The following ZNF729 variants were observed in gnomAD, a reference collection of about 807,000 sequenced individuals.
The protein encoded by ZNF729 is zinc finger protein 729.
A neutral mutation model predicts 12.2 loss-of-function variants in ZNF729; 15 were observed. The ratio of observed to expected loss-of-function variants is 1.23; its 90% confidence interval spans 0.82 to 1.89. The LOEUF is 1.89. ZNF729 is among the 40% of genes most tolerant of loss of function. The probability of loss-of-function intolerance (pLI) is 0.00; values close to 1 mark genes in which losing one functional copy is unlikely to be tolerated. For synonymous variants in ZNF729, 492 were observed against 476.3 expected (o/e 1.03, Z -0.43); for missense variants, 1,540 against 1,456.7 (o/e 1.06, Z -0.93).
rs183037169 is a variant in ZNF729 at position 22,312,748 on chromosome 19, T to A, written c.254-923T>A. Among the ~76,000 whole-genome samples, 12 of 152,250 alleles carry A rather than the reference T, an allele frequency of 7.9e-5. No individual in the cohort carries two copies. In the East Asian group the frequency reaches 2.3e-3, roughly 29 times the overall value. On this transcript the variant is annotated intron_variant, in intron 3 of 3. Transcript: ENST00000601693. ...GTTTTTTTGAGACAGAGTTTCACTCTTTTTGCCCAGGCTGGAGTGCGATGG... is the reference window on the plus strand; with the variant it reads ...GTTTTTTTGAGACAGAGTTTCACTCATTTTGCCCAGGCTGGAGTGCGATGG...
chr19:22,312,524 G>C (rs1968464230), intron 3 of ZNF729, among the ~76,000 whole-genome samples: 2 of 150,252 alleles, frequency 1.3e-5, no homozygotes, highest in Admixed American at 1.3e-4. Context: ...GTAATCACTT[G>C]CTACATCTAT....
chr19:22,293,188 CT>C (rs200972557), intron 1 of ZNF729, among the ~76,000 whole-genome samples: 1 of 151,344 alleles, frequency 6.6e-6, no homozygotes, highest in Non-Finnish European at 1.5e-5. Flanking sequence ...TTTTGTCTAC[CT>C]TTTTTTTTAT....
At chr19:22,287,616 C>T (rs111353460) in intron 1 of ZNF729, among the ~76,000 whole-genome samples, 1 of 151,572 alleles carries the variant, frequency 6.6e-6, no homozygotes, top group African/African-American at 2.4e-5. Flanking sequence ...CCACCTCAGT[C>T]TAATTGCCTG....
Position 22,315,717 on chromosome 19 carries a change from T to C in ZNF729, c.2300T>C (p.Leu767Ser), listed in dbSNP as rs1259232832. ...AAGGTAATTCATACTAGGGAGAAAT[T>C]GTACAAATGTGAAGAATGTGTCAAA... Reference protein sequence around the residue: ...KHKVIHTREKLYKCEECVKAF... With the variant: ...KHKVIHTREKSYKCEECVKAF... Residue 767 changes from leucine to serine, a missense_variant, in exon 4 of 4, where the codon TTG becomes TCG. Leu to Ser is a moderately radical substitution (Grantham distance 145, BLOSUM62 -2). Coordinates refer to ENST00000601693, the MANE Select transcript of ZNF729 (RefSeq NM_001242680.2). 3.2e-5 allele frequency: 51 copies of C among 1,595,054 alleles called. No individual in the cohort carries two copies. Among genetic ancestry groups the C allele is most frequent in the Middle Eastern group, 1.7e-4 (1 of 5,996 alleles).
chr19:22,309,973 C>T (rs543479465), intron 3 of ZNF729, among the ~76,000 whole-genome samples: 1 of 150,642 alleles, frequency 6.6e-6, no homozygotes, highest in South Asian at 2.1e-4. Context: ...TTTTTCACGG[C>T]TATTGTAAAA....
At chr19:22,300,313 A>G (rs1393234939) in intron 1 of ZNF729, among the ~76,000 whole-genome samples, 6 of 152,192 alleles carry the variant, frequency 3.9e-5, no homozygotes, top group African/African-American at 7.2e-5. Flanking sequence ...CTGTCTTTCT[A>G]TCTTTTCAGT....
At position 22,314,142 on chromosome 19, in the gene ZNF729, G is replaced by A; in HGVS notation, c.725G>A (p.Gly242Asp). ...AAACCTTACAAATATAAGAAATGTG[G>A]CAATGCCTTTAAATTTTCTTCAACG... ...EDKPYKYKKC[G>D]NAFKFSSTFT... is the part of the protein sequence containing the mutation. The change falls in exon 4 of 4, where the codon GGC becomes GAC. Residue 242 changes from glycine (G) to aspartate (D), a missense_variant. Physicochemically the swap from Gly to Asp is moderately conservative, Grantham distance 94. Transcript: ENST00000601693. 7 of 1,557,454 alleles carry A rather than the reference G, an allele frequency of 4.5e-6. No individual in the cohort carries two copies. The African/African-American group carries it at 5.5e-5, about 12-fold the overall frequency.
At chr19:22,299,092 A>AAT in intron 1 of ZNF729, 1 of 152,332 alleles carries the variant, frequency 6.6e-6, no homozygotes, top group African/African-American at 2.4e-5. Context: ...TTCTGCTGAG[A>AAT]ATATATCCCT....
At chr19:22,300,479 A>T (rs949425580) in intron 1 of ZNF729, among the ~76,000 whole-genome samples, 3 of 152,232 alleles carry the variant, frequency 2.0e-5, no homozygotes, top group African/African-American at 7.2e-5. Context: ...ATCAGACATG[A>T]TATATAAATA....
At position 22,316,796 on chromosome 19, in the gene ZNF729, A is replaced by C. The variant is rs754405100; in HGVS notation, c.3379A>C (p.Thr1127Pro). Residue 1127 changes from threonine (T) to proline (P), a missense_variant, in exon 4 of 4, where the codon ACT becomes CCT. Thr to Pro is a conservative substitution (Grantham distance 38). Transcript: ENST00000601693. Reference protein sequence around the residue: ...STLTKHKIIHTGEKPYKCEEC... With the variant: ...STLTKHKIIHPGEKPYKCEEC... ...CCTTACGAAACATAAGATAATTCAT[A>C]CTGGGGAGAAACCCTACAAATGTGA... is the stretch of plus-strand genomic sequence containing the variant. 78 of 1,613,212 alleles carry C rather than the reference A, an allele frequency of 4.8e-5. No individual in the cohort carries two copies. Among genetic ancestry groups the C allele is most frequent in the Non-Finnish European group, 5.7e-5 (67 of 1,179,958 alleles).
intron 1 of ZNF729, among the ~76,000 whole-genome samples, chr19:22,289,470 C>G (rs952689108): frequency 5.3e-5 from 8 of 152,030 alleles, no homozygotes; most frequent in Admixed American, 5.2e-4. Context: ...TATGATCCAC[C>G]CGCCTCAGCC....
chr19:22,315,194 A>G lies in ZNF729; in HGVS notation c.1777A>G (p.Ile593Val), dbSNP rs776520460. ...CTCAGCCCTCAGAAAACATAAGGTA[A>G]TTCATACTAGGGAGAAATTGTACAA... is the stretch of plus-strand genomic sequence containing the variant. ...HFSALRKHKV[I>V]HTREKLYKCE... The change falls in exon 4 of 4, where the codon ATT becomes GTT. Residue 593 changes from isoleucine to valine, a missense_variant. Transcript: ENST00000601693. 2 of 1,611,948 alleles carry G rather than the reference A, an allele frequency of 1.2e-6. No homozygotes were observed. Among genetic ancestry groups the G allele is most frequent in the African/African-American group, 2.7e-5 (2 of 74,990 alleles).
At chr19:22,303,982 T>G in intron 2 of ZNF729, 98 bp downstream of exon 2, 1 of 1,265,834 alleles carries the variant, frequency 7.9e-7, no homozygotes, top group African/African-American at 1.6e-5. Context: ...TTACTATAAA[T>G]GAGTTTCACA....
At chr19:22,303,280 A>G (rs1968336890) in intron 1 of ZNF729, among the ~76,000 whole-genome samples, 1 of 151,222 alleles carries the variant, frequency 6.6e-6, no homozygotes, top group East Asian at 1.9e-4. Flanking sequence ...GGCCAAAAAC[A>G]GGCATCACTG....
chr19:22,310,412 G>A (rs191599656), intron 3 of ZNF729, among the ~76,000 whole-genome samples: 1 of 152,118 alleles, frequency 6.6e-6, no homozygotes, highest in South Asian at 2.1e-4. Context: ...AATCATAAAG[G>A]GATGTTGGAT....
At chr19:22,286,698 C>T in intron 1 of ZNF729, 143 bp downstream of exon 1, 1 of 1,102,972 alleles carries the variant, frequency 9.1e-7, no homozygotes, top group Non-Finnish European at 1.4e-6. Context: ...GCCTCAGTCT[C>T]CTTCAGCCAT....
At chr19:22,295,698 T>C (rs1968222649) in intron 1 of ZNF729, among the ~76,000 whole-genome samples, 1 of 152,128 alleles carries the variant, frequency 6.6e-6, no homozygotes, top group South Asian at 2.1e-4. Flanking sequence ...CCGCGCCCAG[T>C]CGATATGCCA....
intron 1 of ZNF729, among the ~76,000 whole-genome samples, chr19:22,286,797 G>A (rs886302475): frequency 2.0e-5 from 3 of 152,178 alleles, no homozygotes; most frequent in African/African-American, 7.2e-5. Context: ...CCCTCTCTGG[G>A]CCGCTCTGCA....
chr19:22,305,976 T>G (rs1356391582), intron 3 of ZNF729, among the ~76,000 whole-genome samples: 2 of 152,184 alleles, frequency 1.3e-5, no homozygotes, highest in Admixed American at 6.5e-5. Flanking sequence ...CTAGTTTTTT[T>G]GTTTTGTTTT....
Sources: allele counts gnomAD v4.1 joint callset (sites outside exome capture counted in the v4.1 genomes callset), GRCh38; gene constraint gnomAD v4.1.1; transcripts MANE v1.5; gene names NCBI Gene and HGNC (gene_info 2026-07-23, HGNC 2026-07-21).